The following CDHR4 variants were observed in gnomAD, a reference collection of about 807,000 sequenced individuals.
CDHR4 encodes the protein cadherin-related family member 4.
A neutral mutation model predicts 88.4 loss-of-function variants in CDHR4; 89 were observed. The ratio of observed to expected loss-of-function variants is 1.01; its 90% CI spans 0.85 to 1.20. The LOEUF (loss-of-function observed/expected upper bound fraction) is 1.20, where lower values mean the gene tolerates loss of function less well. Among genes scored for constraint, CDHR4 ranks in the 50% most tolerant of loss-of-function variants. The pLI is 0.00. For synonymous variants in CDHR4, 368 were observed against 399.2 expected, an observed-to-expected ratio of 0.92 and a Z score of 0.93; for missense variants, 914 against 1,007.2, an observed-to-expected ratio of 0.91 and a Z score of 1.25.
intron 15 of CDHR4, 23 bp from the exon 16 acceptor site, chr3:49,791,982 G>A (rs1041687961): frequency 8.4e-6 from 13 of 1,551,030 alleles, no homozygotes; most frequent in Admixed American, 7.8e-5. Flanking sequence ...GAGGAGTAAC[G>A]AAGCAGTGAG....
Position 49,795,380 on chromosome 3 carries a change from CT to C in CDHR4, c.848-2del. Reference sequence around the variant, plus strand: ...GTGGTGGTCCGGACCACACCGTCTGCTGCATGGGGTGAGAGAACACAGAGGT... The same window carrying C: ...GTGGTGGTCCGGACCACACCGTCTGCGCATGGGGTGAGAGAACACAGAGGT... On this transcript the variant is annotated splice_acceptor_variant, in intron 7 of 18. Transcript: ENST00000412678. LOFTEE classifies it high-confidence loss of function. This position sits in a 1 kb window ranked among gnomAD's most constrained non-coding sequence, Gnocchi z 5.4. The C allele has an allele frequency of 6.5e-7, 1 of 1,549,880 alleles. No homozygotes were observed. Among genetic ancestry groups the C allele is most frequent in the Non-Finnish European group, 8.7e-7 (1 of 1,146,878 alleles).
chr3:49,793,490 C>G, intron 12 of CDHR4, 93 bp downstream of exon 12: 1 of 1,501,424 alleles, frequency 6.7e-7, no homozygotes, highest in Non-Finnish European at 8.9e-7. Flanking sequence ...GTGGAAGAAA[C>G]CAAGGCACAG....
Position 49,795,483 on chromosome 3 carries a change from C to T in CDHR4, c.848-104G>A. On this transcript the variant is annotated intron_variant, in intron 7 of 18. Coordinates refer to ENST00000412678, the MANE Select transcript of CDHR4 (RefSeq NM_001007540.4). The surrounding 1 kb of genome is among the most constrained non-coding windows in gnomAD (Gnocchi z 5.4). ...CCTGCCAGCCCACCAGATCCATAGG[C>T]AAAGGAGGCCGCTGAGCCTGGCCCT... 1 of 1,493,532 alleles carries T rather than the reference C, an allele frequency of 6.7e-7. No homozygotes were observed. The highest frequency in any genetic ancestry group is 9.0e-7 in the Non-Finnish European group (1 of 1,114,026). 92.5% of individuals were successfully genotyped at this position (1,493,532 alleles called of 1,614,324 possible). A position where few individuals can be genotyped will look rare whatever the true frequency, so the allele number is the denominator to read the frequency against.
In CDHR4 at chr3:49,794,762, G is replaced by A. The variant is rs570710863; in HGVS notation, c.1186-61C>T. 1.4e-5 allele frequency: 21 copies of A among 1,458,334 alleles called. No individual in the cohort carries two copies. The East Asian group carries it at 3.2e-4, about 22-fold the overall frequency. 90.3% of individuals were successfully genotyped at this position (1,458,334 alleles called of 1,614,324 possible). A position where few individuals can be genotyped will look rare whatever the true frequency, so the allele number is the denominator to read the frequency against. ...GGCCTGAGAGAGCCCTGAGCCACAC[G>A]GGGCTGCTGTAGGCCAGGGCATCCA... On this transcript the variant is annotated intron_variant, in intron 9 of 18. Coordinates refer to ENST00000412678, the MANE Select transcript of CDHR4 (RefSeq NM_001007540.4).
rs1306233282 is a variant in CDHR4, at chr3:49,796,929, G to T, written c.599C>A (p.Ala200Asp). 6.4e-7 allele frequency: 1 copy of T among 1,551,162 alleles called. No homozygotes were observed. Among genetic ancestry groups the T allele is most frequent in the Admixed American group, 2.0e-5 (1 of 50,996 alleles). The change falls in exon 5 of 19, where the codon GCT becomes GAT. Residue 200 changes from alanine (A) to aspartate (D), a missense_variant. Transcript: ENST00000412678. ...ATTCCAGGTCATGCTCACCTTTTGAGCCTGGCCTAGGAGGCCCTGGGATGG... is the reference window on the plus strand; with the variant it reads ...ATTCCAGGTCATGCTCACCTTTTGATCCTGGCCTAGGAGGCCCTGGGATGG... ...QAPSQGLLGQ[A>D]QKVFQLQISV...
chr3:49,791,246 T>C (rs2108274271), intron 18 of CDHR4, among the ~76,000 whole-genome samples, 195 bp downstream of exon 18: 1 of 152,294 alleles, frequency 6.6e-6, no homozygotes, highest in Admixed American at 6.5e-5. Context: ...AGTCATCTCC[T>C]GACCCCCTAG....
At chr3:49,793,762 T>C in intron 11 of CDHR4, 40 bp from the exon 12 acceptor site, 1 of 1,551,582 alleles carries the variant, frequency 6.4e-7, no homozygotes, top group Non-Finnish European at 8.7e-7. Context: ...CAGGGCCAAC[T>C]CTGGCTCCCT....
chr3:49,792,894 C>T lies in CDHR4; in HGVS notation c.1955G>A (p.Arg652Gln), dbSNP rs561228168. 27 of 1,549,468 alleles carry T rather than the reference C, an allele frequency of 1.7e-5. No individual in the cohort carries two copies. The highest frequency in any genetic ancestry group is 1.7e-4 in the Middle Eastern group (1 of 5,992). ...TATIIVHLVP[R>Q]RASTVATSTH... ...GCTGGTGGCCACTGTGCTGGCCCTC[C>T]GGGGAACTAGATGCACAATAATGGT... The change falls in exon 14 of 19, where the codon CGG (arginine) becomes CAG (glutamine). Residue 652 changes from arginine (R) to glutamine (Q), a missense_variant. Arg to Gln is a conservative substitution (Grantham distance 43). Transcript: ENST00000412678.
In CDHR4 at chr3:49,799,783, G is replaced by C; in HGVS notation, c.30C>G (p.Leu10=). The change falls in exon 1 of 19, where the codon CTC becomes CTG. Residue 10 remains leucine, a synonymous_variant. Coordinates refer to ENST00000412678, the MANE Select transcript of CDHR4 (RefSeq NM_001007540.4). MVLLRLLVF[L]FAPVVSDLCS... is the part of the protein sequence containing the mutation. ...CCTCACCAGAGACCACCGGAGCAAA[G>C]AGGAACACGAGGAGCCTGAGCAGCA... 6.2e-7 allele frequency: 1 copy of C among 1,613,966 alleles called. No homozygotes were observed. The highest frequency in any genetic ancestry group is 8.5e-7 in the Non-Finnish European group (1 of 1,179,858).
At chr3:49,798,755 TG>T in intron 4 of CDHR4, 70 bp downstream of exon 4, 1 of 1,453,216 alleles carries the variant, frequency 6.9e-7, no homozygotes, top group Non-Finnish European at 9.5e-7. Context: ...CCTGGCCAGG[TG>T]GGGGTTAATT....
At position 49,791,446 on chromosome 3, in the gene CDHR4, T is replaced by G. The variant is rs759197093; in HGVS notation, c.2306A>C (p.Asp769Ala). 2 of 1,540,874 alleles carry G rather than the reference T, an allele frequency of 1.3e-6. No individual in the cohort carries two copies. The highest frequency in any genetic ancestry group is 1.2e-5 in the South Asian group (1 of 82,332). Residue 769 changes from aspartate (D) to alanine (A), a missense_variant, in exon 18 of 19, where the codon GAC (aspartate) becomes GCC (alanine). By Grantham distance (126) the Asp-to-Ala change is moderately radical. Transcript: ENST00000412678. ...TTAGGAAGAGGGGGACTCACGGGAG[T>G]CCTGTGCTCTGCCATCAAAATGCTG... The part of the protein sequence containing the change: ...MSLHFDGRAQ[D>A]SRTGRDYLFN...
intron 10 of CDHR4, among the ~76,000 whole-genome samples, chr3:49,794,369 G>C (rs1285972192): frequency 1.3e-5 from 2 of 151,778 alleles, no homozygotes; most frequent in Non-Finnish European, 2.9e-5. Context: ...CTGCACTCCA[G>C]CCTGGGTGAC....
chr3:49,801,051 CAA>C (rs59712683), upstream of CDHR4, among the ~76,000 whole-genome samples: 1 of 140,716 alleles, frequency 7.1e-6, no homozygotes. Context: ...GGCCCTGTCT[CAA>C]AAAAAAAAAC....
In CDHR4 at chr3:49,793,155, C is replaced by T; in HGVS notation, c.1774+6G>A. On this transcript the variant is annotated splice_donor_region_variant and intron_variant, in intron 13 of 18. Transcript: ENST00000412678. ...CTCACAACCTGGTGGTGCCCATGTC[C>T]CCTACCTCCCACGATGCTATAGGAG... 1 of 1,551,502 alleles carries T rather than the reference C, an allele frequency of 6.4e-7. No homozygotes were observed. The highest frequency in any genetic ancestry group is 8.7e-7 in the Non-Finnish European group (1 of 1,146,874).
Position 49,799,300 on chromosome 3 carries a change from TG to T in CDHR4, c.186del (p.Thr63ProfsTer19). 6.2e-7 allele frequency: 1 copy of T among 1,613,650 alleles called. No homozygotes were observed. The highest frequency in any genetic ancestry group is 8.5e-7 in the Non-Finnish European group (1 of 1,179,716). ...GCCAAGCTGGGTGGGTTGAAGAAGG[TG>T]GTGGGTGGCTGGACATTGAGCAACT... ...TLELLNVQPPTTFFNPPSLAR... is the reference protein window; with the variant it reads ...TLELLNVQPPXTFFNPPSLAR... On this transcript the variant is annotated frameshift_variant, in exon 2 of 19. Transcript: ENST00000412678. LOFTEE classifies it high-confidence loss of function.
At position 49,791,573 on chromosome 3, in the gene CDHR4, T is replaced by G. The variant is rs933821090; in HGVS notation, c.2284-105A>C. On this transcript the variant is annotated intron_variant, in intron 17 of 18. Transcript: ENST00000412678. ...GCCAGAAGCCCACCTGCCTCCTCCA[T>G]TCTGATGGTGCTAGTGTGGGCATTT... 5 of 1,478,488 alleles carry G rather than the reference T, an allele frequency of 3.4e-6. No individual in the cohort carries two copies. In the African/African-American group the frequency reaches 5.6e-5, roughly 17 times the overall value. The allele number at this position is 1,478,488 out of a possible 1,614,324, so 91.6% of individuals were successfully genotyped here.
rs749421397 is a variant in CDHR4, at chr3:49,795,218, G to T, written c.1009C>A (p.Arg337Ser). 1 of 1,551,672 alleles carries T rather than the reference G, an allele frequency of 6.4e-7. No individual in the cohort carries two copies. Among genetic ancestry groups the T allele is most frequent in the Admixed American group, 2.0e-5 (1 of 50,996 alleles). The stretch of plus-strand genomic sequence containing the variant: ...CACACCAGAAGCGCTGGGAGGCAGC[G>T]TGGAGGCCAGAGGTTGACCAGCTGC... ...NVQLVNLWPP[R>S]CLPALLVSQI... Residue 337 changes from arginine (R) to serine (S), a missense_variant, in exon 8 of 19, where the codon CGC becomes AGC. By Grantham distance (110) the Arg-to-Ser change is moderately radical. Coordinates refer to ENST00000412678, the MANE Select transcript of CDHR4 (RefSeq NM_001007540.4). This position sits in a 1 kb window ranked among gnomAD's most constrained non-coding sequence, Gnocchi z 5.4.
In CDHR4 at chr3:49,791,422, T is replaced by C; in HGVS notation, c.2311+19A>G. 1 of 1,537,712 alleles carries C rather than the reference T, an allele frequency of 6.5e-7. No individual in the cohort carries two copies. Among genetic ancestry groups the C allele is most frequent in the East Asian group, 2.5e-5 (1 of 40,814 alleles). On this transcript the variant is annotated intron_variant, in intron 18 of 18. Coordinates refer to ENST00000412678, the MANE Select transcript of CDHR4 (RefSeq NM_001007540.4). ...GTGAGGGCCCAGGCAGAGAATAGCT[T>C]AGGAAGAGGGGGACTCACGGGAGTC...
intron 12 of CDHR4, 60 bp from the exon 13 acceptor site, chr3:49,793,371 C>T: frequency 6.6e-7 from 1 of 1,522,004 alleles, no homozygotes. Context: ...TCTGAGCCAG[C>T]CCCTCAACTT....
Sources: gnomAD v4.1 joint callset for allele counts (sites outside exome capture counted in the v4.1 genomes callset) on GRCh38, gnomAD v4.1.1 for gene constraint, Gnocchi (gnomAD v3.1) non-coding constraint, MANE v1.5 for transcripts, NCBI Gene and HGNC (gene_info 2026-07-23, HGNC 2026-07-21) for gene names.